CAP2: variants seen among roughly 807,000 people sequenced by gnomAD.
CAP2 encodes the protein cyclase associated actin cytoskeleton regulatory protein 2.
CAP2 carries 24 observed loss-of-function variants against 57.7 expected under a neutral mutation model. That is an observed-to-expected ratio of 0.42 (90% CI 0.30 to 0.58). The LOEUF (loss-of-function observed/expected upper bound fraction) is 0.58, where lower values mean the gene tolerates loss of function less well. Ranked by LOEUF, CAP2 falls within the 20% of genes least tolerant of loss-of-function variation. The probability of loss-of-function intolerance (pLI) is 0.22; values close to 1 mark genes in which losing one functional copy is unlikely to be tolerated. For synonymous variants in CAP2, 194 were observed against 207.2 expected, an observed-to-expected ratio of 0.94 and a Z score of 0.55; for missense variants, 501 against 590.3, an observed-to-expected ratio of 0.85 and a Z score of 1.57.
chr6:17,540,849 G>A, intron 8 of CAP2, 124 bp from the exon 9 acceptor site: 1 of 830,540 alleles, frequency 1.2e-6, no homozygotes, highest in South Asian at 1.7e-5. Flanking sequence ...GAAAGCACTA[G>A]ACTGTTTTGA....
At chr6:17,431,202 A>G (rs1024866399) in intron 3 of CAP2, among the ~76,000 whole-genome samples, 1 of 152,132 alleles carries the variant, frequency 6.6e-6, no homozygotes, top group Non-Finnish European at 1.5e-5. Flanking sequence ...GTCAGGTGCT[A>G]TGCTTATTAC....
intron 3 of CAP2, among the ~76,000 whole-genome samples, chr6:17,434,473 C>A (rs989454965): frequency 8.5e-5 from 13 of 152,174 alleles, no homozygotes; most frequent in African/African-American, 2.7e-4. Flanking sequence ...AAGTGATCCA[C>A]CTGCCTCGGC....
intron 8 of CAP2, among the ~76,000 whole-genome samples, 158 bp from the exon 9 acceptor site, chr6:17,540,815 T>A (rs1026975069): frequency 6.6e-6 from 1 of 152,216 alleles, no homozygotes; most frequent in Non-Finnish European, 1.5e-5. Flanking sequence ...TGTACAGGAC[T>A]CAGCTCCTGC....
intron 3 of CAP2, among the ~76,000 whole-genome samples, chr6:17,428,078 T>C (rs1759636037): frequency 6.6e-6 from 1 of 152,216 alleles, no homozygotes; most frequent in Non-Finnish European, 1.5e-5. Flanking sequence ...TATGTGAATA[T>C]ACTTAACACT....
chr6:17,414,597 C>T (rs186564364), intron 1 of CAP2, among the ~76,000 whole-genome samples: 211 of 152,184 alleles, frequency 1.4e-3, no homozygotes, highest in African/African-American at 4.4e-3. Flanking sequence ...TTCCTTTTTA[C>T]GGCTGCATAG....
intron 3 of CAP2, among the ~76,000 whole-genome samples, chr6:17,435,927 T>C (rs1290453280): frequency 6.6e-6 from 1 of 152,122 alleles, no homozygotes; most frequent in African/African-American, 2.4e-5. Context: ...TATATACAAG[T>C]ATATCTGAGG....
intron 1 of CAP2, among the ~76,000 whole-genome samples, chr6:17,400,238 C>T (rs1269945331): frequency 1.3e-5 from 2 of 151,944 alleles, no homozygotes; most frequent in Non-Finnish European, 1.5e-5. Context: ...AACACACACA[C>T]ACATACACAC....
intron 1 of CAP2, among the ~76,000 whole-genome samples, chr6:17,400,759 G>C (rs1183685668): frequency 6.6e-6 from 1 of 151,944 alleles, no homozygotes; most frequent in Non-Finnish European, 1.5e-5. Context: ...CAGCTACTCG[G>C]GAGGCTGAGG....
intron 4 of CAP2, among the ~76,000 whole-genome samples, chr6:17,473,955 A>G (rs1454963041): frequency 6.6e-6 from 1 of 152,208 alleles, no homozygotes; most frequent in Admixed American, 6.5e-5. Flanking sequence ...AATTTTATAT[A>G]ATTGTCTTTA....
At chr6:17,515,557 A>G (rs1258179566) in intron 7 of CAP2, among the ~76,000 whole-genome samples, 1 of 152,158 alleles carries the variant, frequency 6.6e-6, no homozygotes, top group African/African-American at 2.4e-5. Flanking sequence ...AAACCTCAGC[A>G]TCATACAATA....
intron 4 of CAP2, among the ~76,000 whole-genome samples, chr6:17,504,907 C>T (rs1480112298): frequency 6.6e-6 from 1 of 152,150 alleles, no homozygotes; most frequent in East Asian, 1.9e-4. Context: ...GTTTAGACTC[C>T]TGGAATCCTA....
chr6:17,527,635 C>T (rs1210076732), intron 7 of CAP2, among the ~76,000 whole-genome samples: 2 of 129,970 alleles, frequency 1.5e-5, no homozygotes, highest in South Asian at 2.3e-4. Flanking sequence ...CTTGCTCTGT[C>T]GCCCAGGCTG....
chr6:17,543,982 G>A (rs375589440), intron 11 of CAP2, among the ~76,000 whole-genome samples: 5 of 152,004 alleles, frequency 3.3e-5, no homozygotes, highest in Non-Finnish European at 4.4e-5. Context: ...AAAATTAGCC[G>A]GGTGGGGTGG....
intron 4 of CAP2, among the ~76,000 whole-genome samples, chr6:17,483,739 A>C (rs146723222): frequency 1.1e-4 from 17 of 152,178 alleles, no homozygotes; most frequent in African/African-American, 3.9e-4. Flanking sequence ...CCCAACCATC[A>C]AGGCTGCTGA....
intron 3 of CAP2, among the ~76,000 whole-genome samples, chr6:17,453,388 G>A (rs1360038731): frequency 6.6e-6 from 1 of 152,174 alleles, no homozygotes; most frequent in Admixed American, 6.5e-5. Flanking sequence ...TTGGAACTGT[G>A]TATCGGGAAA....
chr6:17,415,652 A>G (rs1179274194), intron 1 of CAP2, among the ~76,000 whole-genome samples: 1 of 152,222 alleles, frequency 6.6e-6, no homozygotes, highest in Admixed American at 6.5e-5. Flanking sequence ...AAAGAAGAGT[A>G]AGACCCAACC....
At chr6:17,554,999 T>C (rs892322984) in intron 12 of CAP2, among the ~76,000 whole-genome samples, 6 of 152,206 alleles carry the variant, frequency 3.9e-5, no homozygotes, top group Admixed American at 3.9e-4. Context: ...AACCAACGTG[T>C]ATATAACCCT....
chr6:17,404,414 G>A (rs1262316403), intron 1 of CAP2, among the ~76,000 whole-genome samples: 6 of 152,160 alleles, frequency 3.9e-5, no homozygotes, highest in Non-Finnish European at 8.8e-5. Context: ...GACCATCCTG[G>A]CTAACACGGT....
intron 4 of CAP2, among the ~76,000 whole-genome samples, chr6:17,476,546 C>T (rs1387333403): frequency 4.6e-5 from 7 of 152,160 alleles, no homozygotes; most frequent in Non-Finnish European, 8.8e-5. Flanking sequence ...ATTGGATTAT[C>T]TTTTTCAGAA....
Sources: allele counts gnomAD v4.1 joint callset (sites outside exome capture counted in the v4.1 genomes callset), GRCh38; gene constraint gnomAD v4.1.1; transcripts MANE v1.5; gene names NCBI Gene and HGNC (gene_info 2026-07-23, HGNC 2026-07-21).